Variants in SLC18A1 observed in about 807,000 individuals in gnomAD.
SLC18A1 encodes the protein chromaffin granule amine transporter.
SLC18A1 carries 69 observed loss-of-function variants against 53.7 expected under a neutral mutation model. The observed-to-expected ratio is 1.28, with a 90% confidence interval of 1.06 to 1.57. The LOEUF (loss-of-function observed/expected upper bound fraction) is 1.57, where lower values mean the gene tolerates loss of function less well. Among genes scored for constraint, SLC18A1 ranks in the 40% most tolerant of loss-of-function variants. SLC18A1 has a pLI of 0.00. For synonymous variants in SLC18A1, 320 were observed against 248.1 expected, an observed-to-expected ratio of 1.29 and a Z score of -2.72; for missense variants, 932 against 668.1, an observed-to-expected ratio of 1.40 and a Z score of -4.35.
chr8:20,166,097 G>T (rs1013437187), intron 8 of SLC18A1, among the ~76,000 whole-genome samples: 1 of 151,662 alleles, frequency 6.6e-6, no homozygotes, highest in Non-Finnish European at 1.5e-5. Flanking sequence ...TAAACCCTTT[G>T]ACCCAACAGT....
chr8:20,165,012 A>C, intron 9 of SLC18A1, 35 bp downstream of exon 9: 1 of 1,612,668 alleles, frequency 6.2e-7, no homozygotes, highest in Non-Finnish European at 8.5e-7. Flanking sequence ...AAGCCCAGAC[A>C]CTCCCCGCCC....
At chr8:20,167,754 G>A (rs1462123309) in intron 8 of SLC18A1, among the ~76,000 whole-genome samples, 1 of 151,830 alleles carries the variant, frequency 6.6e-6, no homozygotes, top group Admixed American at 6.6e-5. Context: ...CTGAGTAGCT[G>A]GGACTACAGG....
chr8:20,169,007 A>T (rs1467856142), intron 8 of SLC18A1, among the ~76,000 whole-genome samples: 1 of 152,276 alleles, frequency 6.6e-6, no homozygotes, highest in Admixed American at 6.5e-5. Flanking sequence ...ACTTTACAAC[A>T]TCTCCCACAT....
chr8:20,175,313 G>T (rs748108965), intron 4 of SLC18A1: 2 of 152,116 alleles, frequency 1.3e-5, no homozygotes, highest in Non-Finnish European at 2.9e-5. Flanking sequence ...TGCAGTTAAC[G>T]CAATCCTCAC....
chr8:20,167,882 A>G (rs2072009315), intron 8 of SLC18A1, among the ~76,000 whole-genome samples: 2 of 151,854 alleles, frequency 1.3e-5, no homozygotes, highest in East Asian at 1.9e-4. Flanking sequence ...CGGCCTCCCA[A>G]ACTGCTGGGA....
Position 20,164,908 on chromosome 8 carries a change from A to G in SLC18A1, c.976T>C (p.Trp326Arg), listed in dbSNP as rs2071916691. ...GGGGAGCACATGGTCTGCATCATCC[A>G]GATGGGCAGTGTGGGCTCCAGGATG... is the stretch of plus-strand genomic sequence containing the variant. ...VAILEPTLPI[W>R]MMQTMCSPKW... The change falls in exon 10 of 16, where the codon TGG (tryptophan) becomes CGG (arginine). Residue 326 changes from tryptophan to arginine, a missense_variant. By Grantham distance (101) the Trp-to-Arg change is moderately radical. Coordinates refer to ENST00000276373, the MANE Select transcript of SLC18A1 (RefSeq NM_003053.4). 6.2e-7 allele frequency: 1 copy of G among 1,613,886 alleles called. No homozygotes were observed. Among genetic ancestry groups the G allele is most frequent in the Non-Finnish European group, 8.5e-7 (1 of 1,179,770 alleles).
At chr8:20,182,221 A>G (rs550394946) in intron 1 of SLC18A1, among the ~76,000 whole-genome samples, 2 of 152,298 alleles carry the variant, frequency 1.3e-5, no homozygotes, top group East Asian at 1.9e-4. Context: ...CCATCCTACA[A>G]AAGAAAAAAG....
intron 10 of SLC18A1, among the ~76,000 whole-genome samples, chr8:20,159,175 G>A (rs535194836): frequency 5.9e-5 from 9 of 152,150 alleles, no homozygotes; most frequent in Non-Finnish European, 1.2e-4. Context: ...TGATGACATC[G>A]AAAGCACCCC....
At position 20,165,064 on chromosome 8, in the gene SLC18A1, T is replaced by C. The variant is rs546683520; in HGVS notation, c.902A>G (p.Tyr301Cys). The C allele has an allele frequency of 6.2e-7, 1 of 1,614,162 alleles. No individual in the cohort carries two copies. The highest frequency in any genetic ancestry group is 1.3e-5 in the African/African-American group (1 of 75,044). The change falls in exon 9 of 16, where the codon TAC becomes TGC. Residue 301 changes from tyrosine to cysteine, a missense_variant. By Grantham distance (194) the Tyr-to-Cys change is radical (BLOSUM62 -2). Coordinates refer to ENST00000276373, the MANE Select transcript of SLC18A1 (RefSeq NM_003053.4). ...CAGCTTACCTGCAGCCACCAGGATG[T>C]AAGGGTCTTTGAGAAGCATAAAGAG... ...TPLFMLLKDP[Y>C]ILVAAGSICF...
chr8:20,156,008 A>G (rs1264896322), intron 10 of SLC18A1, among the ~76,000 whole-genome samples: 2 of 152,360 alleles, frequency 1.3e-5, no homozygotes, highest in Non-Finnish European at 2.9e-5. Flanking sequence ...CACCCTGTGC[A>G]ATACAATCTC....
chr8:20,145,698 T>A lies in SLC18A1; in HGVS notation c.*65A>T. 1 of 1,040,880 alleles carries A rather than the reference T, an allele frequency of 9.6e-7. No homozygotes were observed. Among genetic ancestry groups the A allele is most frequent in the Non-Finnish European group, 1.4e-6 (1 of 693,502 alleles). 64.5% of individuals were successfully genotyped at this position (1,040,880 alleles called of 1,614,324 possible). ...CACTGAGCCGTGGGCTCAGCCATGG[T>A]GATCTGGTCCCAGGGAAAGAGGTGG... On this transcript the variant is annotated 3_prime_UTR_variant, in exon 16 of 16. Coordinates refer to ENST00000276373, the MANE Select transcript of SLC18A1 (RefSeq NM_003053.4).
chr8:20,171,681 A>AGTGTGTGTGTGTGT (rs111983026), intron 6 of SLC18A1, among the ~76,000 whole-genome samples, 187 bp from the exon 7 acceptor site: 1 of 146,998 alleles, frequency 6.8e-6, no homozygotes. Flanking sequence ...TAGTGGAGGA[A>AGTGTGTGTGTGTGT]GTGTGTGTGT....
intron 10 of SLC18A1, among the ~76,000 whole-genome samples, chr8:20,159,693 G>GAAA (rs2071775521): frequency 7.4e-6 from 1 of 135,194 alleles, no homozygotes; most frequent in Non-Finnish European, 1.6e-5. Flanking sequence ...AGAAATCTCT[G>GAAA]AAATATGGGG....
chr8:20,171,598 G>A, intron 6 of SLC18A1, 104 bp from the exon 7 acceptor site: 1 of 856,084 alleles, frequency 1.2e-6, no homozygotes, highest in Non-Finnish European at 2.0e-6. Flanking sequence ...GCCTGCTAGG[G>A]GCTAAGCTCC....
intron 2 of SLC18A1, 38 bp from the exon 3 acceptor site, chr8:20,179,522 C>A (rs535730393): frequency 8.9e-6 from 14 of 1,570,060 alleles, no homozygotes; most frequent in African/African-American, 2.7e-5. Flanking sequence ...GGGCTAAGGA[C>A]CGATGTCATC....
At chr8:20,146,840 G>T (rs1249118312) in intron 15 of SLC18A1, among the ~76,000 whole-genome samples, 1 of 145,246 alleles carries the variant, frequency 6.9e-6, no homozygotes, top group Non-Finnish European at 1.5e-5. Flanking sequence ...AAAAAAAAAA[G>T]TGACCTGGTA....
At chr8:20,158,202 AC>A (rs2071729091) in intron 10 of SLC18A1, among the ~76,000 whole-genome samples, 1 of 151,832 alleles carries the variant, frequency 6.6e-6, no homozygotes, top group Non-Finnish European at 1.5e-5. Context: ...TCTCAGTCTT[AC>A]TCTCCTGTCC....
intron 10 of SLC18A1, among the ~76,000 whole-genome samples, chr8:20,162,790 C>G (rs969003632): frequency 6.6e-6 from 1 of 152,200 alleles, no homozygotes; most frequent in Admixed American, 6.5e-5. Flanking sequence ...AAGATTCAGA[C>G]TTTCTCTATA....
intron 10 of SLC18A1, among the ~76,000 whole-genome samples, chr8:20,159,213 C>A (rs981523748): frequency 3.3e-5 from 5 of 152,244 alleles, no homozygotes; most frequent in African/African-American, 1.2e-4. Context: ...CTGCATGACC[C>A]CTACTATGCC....
Sources: allele counts gnomAD v4.1 joint callset (sites outside exome capture counted in the v4.1 genomes callset), GRCh38; gene constraint gnomAD v4.1.1; transcripts MANE v1.5; gene names NCBI Gene and HGNC (gene_info 2026-07-23, HGNC 2026-07-21).